Variants in KCNIP4 observed in about 807,000 individuals in gnomAD.
The protein encoded by KCNIP4 is Kv channel-interacting protein 4.
A neutral mutation model predicts 34.0 loss-of-function variants in KCNIP4; 12 were observed. That is an observed-to-expected ratio of 0.35 (90% CI 0.23 to 0.57). The LOEUF is 0.57. Ranked by LOEUF, KCNIP4 falls within the 20% of genes least tolerant of loss-of-function variation. The probability of loss-of-function intolerance (pLI) is 0.83; values close to 1 mark genes in which losing one functional copy is unlikely to be tolerated. For missense variants in KCNIP4, 238 were observed against 311.7 expected, an observed-to-expected ratio of 0.76 and a Z score of 1.78; for synonymous variants, 124 against 102.2, an observed-to-expected ratio of 1.21 and a Z score of -1.29.
At chr4:21,524,836 T>A (rs900695392) in intron 1 of KCNIP4, among the ~76,000 whole-genome samples, 30 of 152,168 alleles carry the variant, frequency 2.0e-4, no homozygotes, top group African/African-American at 7.2e-4. Context: ...GCCTTGCACA[T>A]AACAGGAAGT....
chr4:21,050,116 T>G (rs922595481), intron 1 of KCNIP4, among the ~76,000 whole-genome samples: 2 of 152,220 alleles, frequency 1.3e-5, no homozygotes, highest in Non-Finnish European at 2.9e-5. Context: ...CATCTGCTAA[T>G]ATTTTTACAT....
intron 1 of KCNIP4, among the ~76,000 whole-genome samples, chr4:21,459,985 G>A (rs1457279023): frequency 4.0e-5 from 6 of 151,800 alleles, no homozygotes; most frequent in African/African-American, 1.5e-4. Flanking sequence ...CAGTGATCCT[G>A]TGCAAACGCA....
intron 3 of KCNIP4, among the ~76,000 whole-genome samples, chr4:20,837,987 G>A (rs1052807899): frequency 6.6e-6 from 1 of 151,818 alleles, no homozygotes; most frequent in African/African-American, 2.4e-5. Flanking sequence ...ACCACGCCCG[G>A]CCTCAGTGAT....
At chr4:21,642,576 C>A (rs567349252) in intron 1 of KCNIP4, among the ~76,000 whole-genome samples, 1 of 152,246 alleles carries the variant, frequency 6.6e-6, no homozygotes, top group South Asian at 2.1e-4. Flanking sequence ...TTTACTATTA[C>A]AACTGATGAC....
At chr4:21,054,707 C>CAAAAAAAAA (rs34366909) in intron 1 of KCNIP4, among the ~76,000 whole-genome samples, 8 of 86,204 alleles carry the variant, frequency 9.3e-5, no homozygotes, top group African/African-American at 2.0e-4. Flanking sequence ...TACTCACATG[C>CAAAAAAAAA]AAAAAAAAAA....
intron 1 of KCNIP4, among the ~76,000 whole-genome samples, chr4:20,969,273 T>G (rs566907750): frequency 2.0e-5 from 3 of 152,156 alleles, no homozygotes; most frequent in Admixed American, 6.6e-5. Flanking sequence ...GAAAACTAGT[T>G]TCAAGCTCCA....
At chr4:20,929,273 T>C (rs1233956474) in intron 1 of KCNIP4, among the ~76,000 whole-genome samples, 1 of 151,902 alleles carries the variant, frequency 6.6e-6, no homozygotes, top group African/African-American at 2.4e-5. Flanking sequence ...GGATGAAAGA[T>C]AAAAAACACA....
chr4:21,523,866 C>A lies in KCNIP4; in HGVS notation c.61+424705G>T, dbSNP rs192492120. On this transcript the variant is annotated intron_variant, in intron 1 of 8. Transcript: ENST00000382152. ...AAGATTACAGGTGTGAGCCACTGTG[C>A]CTGGACTTTTTTGCTTTTTGACACC... is the stretch of plus-strand genomic sequence containing the variant. Among the ~76,000 whole-genome samples, 33 of 152,200 alleles carry A rather than the reference C, an allele frequency of 2.2e-4. No individual in the cohort carries two copies. In the East Asian group the frequency reaches 5.8e-3, roughly 27 times the overall value.
intron 1 of KCNIP4, among the ~76,000 whole-genome samples, chr4:21,121,212 G>A (rs562935596): frequency 7.9e-5 from 12 of 152,218 alleles, no homozygotes; most frequent in African/African-American, 2.4e-4. Context: ...GAAATCAGCC[G>A]GCCCTTTGCC....
chr4:21,697,397 T>A, intron 1 of KCNIP4: 1 of 1,558,720 alleles, frequency 6.4e-7, no homozygotes, highest in Non-Finnish European at 8.6e-7. Flanking sequence ...CTGGGCAAAT[T>A]TCAGTATTTC....
At chr4:21,785,615 A>T (rs1348832367) in intron 1 of KCNIP4, among the ~76,000 whole-genome samples, 3 of 136,786 alleles carry the variant, frequency 2.2e-5, no homozygotes, top group Non-Finnish European at 4.7e-5. Context: ...ATAAATAAAT[A>T]AAATAAAAAA....
chr4:20,867,198 C>T (rs910003949), intron 2 of KCNIP4, among the ~76,000 whole-genome samples: 1 of 151,874 alleles, frequency 6.6e-6, no homozygotes, highest in East Asian at 1.9e-4. Context: ...CCAGAATAGC[C>T]AAAGCAATCC....
chr4:20,731,528 TTCAG>T (rs1748203187), intron 8 of KCNIP4: 4 of 985,374 alleles, frequency 4.1e-6, no homozygotes, highest in African/African-American at 1.7e-5. Flanking sequence ...CATTAGTGAG[TTCAG>T]TCAAAGAGCC....
chr4:21,427,123 T>A (rs1431787606), intron 1 of KCNIP4, among the ~76,000 whole-genome samples: 1 of 151,778 alleles, frequency 6.6e-6, no homozygotes, highest in African/African-American at 2.4e-5. Context: ...AGTAGGAACC[T>A]TAACAAGAAA....
At chr4:20,765,880 C>G (rs1755353494) in intron 3 of KCNIP4, among the ~76,000 whole-genome samples, 1 of 152,172 alleles carries the variant, frequency 6.6e-6, no homozygotes. Flanking sequence ...TCAGTCCTCT[C>G]AGGCCATGTG....
At chr4:21,627,697 A>G (rs1253237859) in intron 1 of KCNIP4, among the ~76,000 whole-genome samples, 1 of 152,196 alleles carries the variant, frequency 6.6e-6, no homozygotes, top group Non-Finnish European at 1.5e-5. Flanking sequence ...GTGGTTTCTG[A>G]AATTTACTTA....
In KCNIP4 at chr4:20,836,111, A is replaced by G. The variant is rs183795234; in HGVS notation, c.288+14432T>C. Reference sequence around the variant, plus strand: ...AAACATAAATTTGTGTCATTCTCCTACTTAATCCTTTAATGATTTTGCCCT... The same window carrying G: ...AAACATAAATTTGTGTCATTCTCCTGCTTAATCCTTTAATGATTTTGCCCT... On this transcript the variant is annotated intron_variant, in intron 3 of 8. Coordinates refer to ENST00000382152, the MANE Select transcript of KCNIP4 (RefSeq NM_025221.6). 7.2e-5 allele frequency among the ~76,000 whole-genome samples: 11 copies of G among 152,184 alleles called. No homozygotes were observed. In the East Asian group the frequency reaches 2.1e-3, roughly 30 times the overall value.
rs1421879025 is a variant in KCNIP4 at position 20,729,021 on chromosome 4, T to G, written c.*1061A>C. ...TAAATCTTGGTAGTAGTTGTCAATG[T>G]AATGGAACCACTGGTGCTTTCAAAG... On this transcript the variant is annotated 3_prime_UTR_variant, in exon 9 of 9. Coordinates refer to ENST00000382152, the MANE Select transcript of KCNIP4 (RefSeq NM_025221.6). 1 of 152,280 alleles carries G rather than the reference T, an allele frequency of 6.6e-6. No homozygotes were observed. Among genetic ancestry groups the G allele is most frequent in the African/African-American group, 2.4e-5 (1 of 41,430 alleles). The allele number at this position is 152,280 out of a possible 1,614,324, so 9.4% of individuals were successfully genotyped here.
At position 21,429,530 on chromosome 4, in the gene KCNIP4, G is replaced by T. The variant is rs78138748; in HGVS notation, c.61+519041C>A. Among the ~76,000 whole-genome samples, 141 of 152,250 alleles carry T rather than the reference G, an allele frequency of 9.3e-4. 1 individual carries two copies. The highest frequency in any genetic ancestry group is 3.4e-3 in the Middle Eastern group (1 of 294). Reference sequence around the variant, plus strand: ...GTGTGATTGATGGATCATATGATAAGAGTATGTTTAGTTTGATAGGAAGCT... The same window carrying T: ...GTGTGATTGATGGATCATATGATAATAGTATGTTTAGTTTGATAGGAAGCT... On this transcript the variant is annotated intron_variant, in intron 1 of 8. Coordinates refer to ENST00000382152, the MANE Select transcript of KCNIP4 (RefSeq NM_025221.6).
Sources: gnomAD v4.1 joint callset for allele counts (sites outside exome capture counted in the v4.1 genomes callset) on GRCh38, gnomAD v4.1.1 for gene constraint, MANE v1.5 for transcripts, NCBI Gene and HGNC (gene_info 2026-07-23, HGNC 2026-07-21) for gene names.